CISD1: variants seen among roughly 807,000 people sequenced by gnomAD.
CISD1 encodes CDGSH iron sulfur domain 1, also known as CDGSH iron-sulfur domain-containing protein 1.
CISD1 carries 8 observed loss-of-function variants against 12.0 expected under a neutral mutation model. The ratio of observed to expected loss-of-function variants is 0.67; its 90% confidence interval spans 0.39 to 1.20. The LOEUF is 1.20. Among genes scored for constraint, CISD1 ranks in the 50% most tolerant of loss-of-function variants. CISD1 has a pLI of 0.01. For missense variants in CISD1, 107 were observed against 132.7 expected, an observed-to-expected ratio of 0.81 and a Z score of 0.95; for synonymous variants, 38 against 42.2, an observed-to-expected ratio of 0.90 and a Z score of 0.39.
chr10:58,277,026 A>G lies in CISD1; in HGVS notation c.32-91A>G, dbSNP rs559100105. On this transcript the variant is annotated intron_variant, in intron 1 of 2. Coordinates refer to ENST00000333926, the MANE Select transcript of CISD1 (RefSeq NM_018464.5). ...AAACCTTGGACTATTAGGATGCTTA[A>G]TACTCAAAAACTGGATTTTCTGACA... The G allele has an allele frequency of 2.6e-5, 22 of 860,932 alleles. No individual in the cohort carries two copies. In the East Asian group the frequency reaches 5.0e-4, roughly 19 times the overall value. The allele number at this position is 860,932 out of a possible 1,614,324, so 53.3% of individuals were successfully genotyped here. A position where few individuals can be genotyped will look rare whatever the true frequency, so the allele number is the denominator to read the frequency against.
intron 1 of CISD1, among the ~76,000 whole-genome samples, chr10:58,275,848 A>G (rs1475576399): frequency 6.6e-6 from 1 of 152,224 alleles, no homozygotes; most frequent in Non-Finnish European, 1.5e-5. Context: ...TTTATATTAC[A>G]GTTTTAGAAG....
chr10:58,271,133 G>T (rs1451860737), intron 1 of CISD1, among the ~76,000 whole-genome samples: 2 of 147,228 alleles, frequency 1.4e-5, no homozygotes, highest in South Asian at 4.3e-4. Flanking sequence ...TCCGCCTCCC[G>T]GGTTCATGCC....
At position 58,288,917 on chromosome 10, in the gene CISD1, A is replaced by G. The variant is rs1839459254; in HGVS notation, c.*1267A>G. 6.6e-6 allele frequency: 1 copy of G among 152,232 alleles called. No homozygotes were observed. The highest frequency in any genetic ancestry group is 2.4e-5 in the African/African-American group (1 of 41,440). The allele number at this position is 152,232 out of a possible 1,614,324, so 9.4% of individuals were successfully genotyped here. A position where few individuals can be genotyped will look rare whatever the true frequency, so the allele number is the denominator to read the frequency against. On this transcript the variant is annotated 3_prime_UTR_variant, in exon 3 of 3. Transcript: ENST00000333926. ...CACAAATTTCTACTTGCTAAAATCC[A>G]TTTACCTTGACAGGAATCAAACCTG... is the stretch of plus-strand genomic sequence containing the variant.
chr10:58,287,265 T>C (rs938962956), intron 2 of CISD1, among the ~76,000 whole-genome samples: 4 of 152,062 alleles, frequency 2.6e-5, no homozygotes, highest in Non-Finnish European at 5.9e-5. Context: ...TAGAAGTAAA[T>C]AGGCAATGGA....
rs193118266 is a variant in CISD1, at chr10:58,288,181, T to C, written c.*531T>C. On this transcript the variant is annotated 3_prime_UTR_variant, in exon 3 of 3. Coordinates refer to ENST00000333926, the MANE Select transcript of CISD1 (RefSeq NM_018464.5). ...AATATGGCTTCTGTTTTTCACCGTT[T>C]TCAATCAAAATGATTGATAAATGTT... 1.3e-5 allele frequency: 2 copies of C among 152,474 alleles called. No individual in the cohort carries two copies. The highest frequency in any genetic ancestry group is 2.4e-5 in the African/African-American group (1 of 41,582). 9.4% of individuals were successfully genotyped at this position (152,474 alleles called of 1,614,324 possible). A position where few individuals can be genotyped will look rare whatever the true frequency, so the allele number is the denominator to read the frequency against.
Position 58,269,227 on chromosome 10 carries a change from G to A in CISD1, c.-47G>A, listed in dbSNP as rs747876636. On this transcript the variant is annotated 5_prime_UTR_variant, in exon 1 of 3. Coordinates refer to ENST00000333926, the MANE Select transcript of CISD1 (RefSeq NM_018464.5). ...TTACTCTCGCCGGCCGCGCGAACCC[G>A]TTTGAGCTCGGTATCCTAGTGCACA... 1.0e-5 allele frequency: 16 copies of A among 1,599,968 alleles called. No individual in the cohort carries two copies. In the African/African-American group the frequency reaches 1.3e-4, roughly 13 times the overall value.
chr10:58,273,051 T>A (rs572781133), intron 1 of CISD1, among the ~76,000 whole-genome samples: 21 of 152,296 alleles, frequency 1.4e-4, no homozygotes, highest in African/African-American at 4.3e-4. Flanking sequence ...ATAATAAAGT[T>A]TTTTTAAAAC....
chr10:58,276,896 T>C (rs1331498946), intron 1 of CISD1, among the ~76,000 whole-genome samples: 1 of 152,144 alleles, frequency 6.6e-6, no homozygotes, highest in Non-Finnish European at 1.5e-5. Context: ...TTAATGTAGC[T>C]ATCATCACTC....
chr10:58,280,480 G>A (rs1839362173), intron 2 of CISD1, among the ~76,000 whole-genome samples: 1 of 152,122 alleles, frequency 6.6e-6, no homozygotes, highest in Non-Finnish European at 1.5e-5. Context: ...AGAGATTCGA[G>A]GTAAAAGGCA....
At chr10:58,277,543 G>A (rs184699915) in intron 2 of CISD1, among the ~76,000 whole-genome samples, 2 of 151,490 alleles carry the variant, frequency 1.3e-5, no homozygotes, top group East Asian at 3.9e-4. Flanking sequence ...CTCAGCCACC[G>A]AGTAGCTGGG....
At chr10:58,286,552 T>A (rs1357655960) in intron 2 of CISD1, among the ~76,000 whole-genome samples, 4 of 152,138 alleles carry the variant, frequency 2.6e-5, no homozygotes, top group Non-Finnish European at 5.9e-5. Flanking sequence ...TATAGCAAAA[T>A]TAAAATAATG....
In CISD1 at chr10:58,289,341, T is replaced by C. The variant is rs567898440; in HGVS notation, c.*1691T>C. The C allele has an allele frequency of 6.6e-6, 1 of 152,296 alleles. No individual in the cohort carries two copies. The highest frequency in any genetic ancestry group is 1.9e-4 in the East Asian group (1 of 5,270). The allele number at this position is 152,296 out of a possible 1,614,324, so 9.4% of individuals were successfully genotyped here. A position where few individuals can be genotyped will look rare whatever the true frequency, so the allele number is the denominator to read the frequency against. On this transcript the variant is annotated 3_prime_UTR_variant, in exon 3 of 3. Coordinates refer to ENST00000333926, the MANE Select transcript of CISD1 (RefSeq NM_018464.5). ...TTGAAATTATATTGTTAGTCATGCA[T>C]TTTTGTAATGTCAGGGGGAACCTGG...
chr10:58,277,132 C>G lies in CISD1; in HGVS notation c.47C>G (p.Ala16Gly). 1 of 1,606,116 alleles carries G rather than the reference C, an allele frequency of 6.2e-7. No individual in the cohort carries two copies. Among genetic ancestry groups the G allele is most frequent in the Non-Finnish European group, 8.5e-7 (1 of 1,175,690 alleles). Residue 16 changes from alanine to glycine, a missense_variant, in exon 2 of 3, where the codon GCA becomes GGA. Transcript: ENST00000333926. ...SSSVRVEWIAAVTIAAGTAAI... is the reference protein window; with the variant it reads ...SSSVRVEWIAGVTIAAGTAAI... ...CCTGCTCTAGTTGAATGGATCGCAG[C>G]AGTTACCATTGCTGCTGGGACAGCT...
chr10:58,273,564 G>T (rs758997041), intron 1 of CISD1: 1 of 151,870 alleles, frequency 6.6e-6, no homozygotes, highest in Non-Finnish European at 1.5e-5. Flanking sequence ...CTGAAGATTG[G>T]GTTATATACA....
At position 58,269,252 on chromosome 10, in the gene CISD1, A is replaced by G; in HGVS notation, c.-22A>G. The G allele has an allele frequency of 6.2e-7, 1 of 1,607,174 alleles. No individual in the cohort carries two copies. The highest frequency in any genetic ancestry group is 8.5e-7 in the Non-Finnish European group (1 of 1,179,600). ...GTTTGAGCTCGGTATCCTAGTGCAC[A>G]CGCCTTGCAAGCGACGGCGCCATGA... On this transcript the variant is annotated 5_prime_UTR_variant, in exon 1 of 3. Coordinates refer to ENST00000333926, the MANE Select transcript of CISD1 (RefSeq NM_018464.5).
rs1839452779 is a variant in CISD1, at chr10:58,288,359, G to A, written c.*709G>A. The A allele has an allele frequency of 6.6e-6, 1 of 152,268 alleles. No individual in the cohort carries two copies. The highest frequency in any genetic ancestry group is 2.4e-5 in the African/African-American group (1 of 41,434). The allele number at this position is 152,268 out of a possible 1,614,324, so 9.4% of individuals were successfully genotyped here. A position where few individuals can be genotyped will look rare whatever the true frequency, so the allele number is the denominator to read the frequency against. ...ATATTAGATTTAAATTAGTCATGAA[G>A]AATGTCTTAAAATCTAATGTTCCAG... On this transcript the variant is annotated 3_prime_UTR_variant, in exon 3 of 3. Transcript: ENST00000333926.
At chr10:58,280,777 A>C (rs1383534551) in intron 2 of CISD1, among the ~76,000 whole-genome samples, 1 of 152,346 alleles carries the variant, frequency 6.6e-6, no homozygotes, top group East Asian at 1.9e-4. Context: ...TAAAAATATC[A>C]TAGCTTCAAA....
At position 58,286,671 on chromosome 10, in the gene CISD1, C is replaced by G. The variant is rs562052838; in HGVS notation, c.238-890C>G. ...TCTTTGGACCACACTCTGCAAAACA[C>G]TATGTTAGAAATTTAGTTTTGTCCC... On this transcript the variant is annotated intron_variant, in intron 2 of 2. Coordinates refer to ENST00000333926, the MANE Select transcript of CISD1 (RefSeq NM_018464.5). Among the ~76,000 whole-genome samples, 7 of 152,218 alleles carry G rather than the reference C, an allele frequency of 4.6e-5. No individual in the cohort carries two copies. The South Asian group carries it at 1.0e-3, about 23-fold the overall frequency.
chr10:58,281,071 A>G (rs1196085545), intron 2 of CISD1, among the ~76,000 whole-genome samples: 2 of 152,270 alleles, frequency 1.3e-5, no homozygotes, highest in African/African-American at 4.8e-5. Context: ...GATCAAGTAA[A>G]GGGTGTTTGC....
Sources: allele counts gnomAD v4.1 joint callset (sites outside exome capture counted in the v4.1 genomes callset), GRCh38; gene constraint gnomAD v4.1.1; transcripts MANE v1.5; gene names NCBI Gene and HGNC (gene_info 2026-07-23, HGNC 2026-07-21).